Variants in SLC27A6 observed in about 807,000 individuals in gnomAD.
SLC27A6 encodes the protein long-chain fatty acid transport protein 6.
Under a neutral mutation model 63.9 loss-of-function variants are expected in SLC27A6, and 74 were observed. The ratio of observed to expected loss-of-function variants is 1.16; its 90% CI spans 0.96 to 1.40. The LOEUF (loss-of-function observed/expected upper bound fraction) is 1.40, where lower values mean the gene tolerates loss of function less well. Ranked by LOEUF, SLC27A6 falls within the 40% of genes most tolerant of loss-of-function variation. The probability of loss-of-function intolerance (pLI) is 0.00; values close to 1 mark genes in which losing one functional copy is unlikely to be tolerated. For missense variants in SLC27A6, 794 were observed against 732.9 expected, an observed-to-expected ratio of 1.08 and a Z score of -0.96; for synonymous variants, 287 against 260.8, an observed-to-expected ratio of 1.10 and a Z score of -0.97.
At chr5:128,998,364 T>C (rs984152528) in intron 4 of SLC27A6, among the ~76,000 whole-genome samples, 4 of 151,958 alleles carry the variant, frequency 2.6e-5, no homozygotes, top group South Asian at 4.1e-4. Flanking sequence ...AATGTATTTA[T>C]AAAATTAGAG....
At position 129,015,996 on chromosome 5, in the gene SLC27A6, T is replaced by C. The variant is rs1751878032; in HGVS notation, c.1081T>C (p.Tyr361His). The change falls in exon 5 of 10, where the codon TAT becomes CAT. Residue 361 changes from tyrosine (Y) to histidine (H), a missense_variant. Transcript: ENST00000262462. ...RFGNIKVCEL[Y>H]AATESSISFM... ...TGGAAATATAAAGGTGTGTGAACTTTATGCAGCTACCGAATCAAGCATATC... is the reference window on the plus strand; with the variant it reads ...TGGAAATATAAAGGTGTGTGAACTTCATGCAGCTACCGAATCAAGCATATC... 1.2e-6 allele frequency: 2 copies of C among 1,611,046 alleles called. No individual in the cohort carries two copies. Among genetic ancestry groups the C allele is most frequent in the Non-Finnish European group, 1.7e-6 (2 of 1,178,954 alleles).
intron 4 of SLC27A6, among the ~76,000 whole-genome samples, chr5:128,996,661 G>C (rs1036561012): frequency 6.6e-6 from 1 of 152,050 alleles, no homozygotes; most frequent in South Asian, 2.1e-4. Flanking sequence ...ATTTATGGCA[G>C]TGTGAGAGTG....
intron 1 of SLC27A6, among the ~76,000 whole-genome samples, chr5:128,966,982 A>G (rs1365350141): frequency 6.6e-6 from 1 of 152,180 alleles, no homozygotes; most frequent in African/African-American, 2.4e-5. Context: ...TGACACGTCT[A>G]CCTACCTCTA....
intron 4 of SLC27A6, among the ~76,000 whole-genome samples, chr5:129,003,768 A>C (rs1580728887): frequency 6.6e-6 from 1 of 152,066 alleles, no homozygotes; most frequent in Non-Finnish European, 1.5e-5. Flanking sequence ...CCAGGGGTTC[A>C]AGACCAGCCT....
At chr5:129,015,833 G>A (rs1751871939) in intron 4 of SLC27A6, 52 bp from the exon 5 acceptor site, 1 of 1,245,402 alleles carries the variant, frequency 8.0e-7, no homozygotes, top group Non-Finnish European at 1.1e-6. Flanking sequence ...TAATAATAAA[G>A]AAAGAATTAG....
intron 1 of SLC27A6, among the ~76,000 whole-genome samples, chr5:128,974,141 A>G (rs547148422): frequency 1.9e-4 from 29 of 152,326 alleles, no homozygotes; most frequent in African/African-American, 7.0e-4. Context: ...GCTACTTCTC[A>G]AGATAGAGCA....
chr5:129,014,603 A>G (rs556554444), intron 4 of SLC27A6, among the ~76,000 whole-genome samples: 1 of 152,290 alleles, frequency 6.6e-6, no homozygotes, highest in South Asian at 2.1e-4. Context: ...AAGTTCCTCA[A>G]CCCAAACTGG....
intron 1 of SLC27A6, among the ~76,000 whole-genome samples, chr5:128,970,213 G>A (rs1750086928): frequency 7.1e-6 from 1 of 141,712 alleles, no homozygotes; most frequent in Non-Finnish European, 1.6e-5. Context: ...AAGGATATTG[G>A]TCTAAAATTC....
At chr5:129,016,149 T>C in intron 5 of SLC27A6, 70 bp downstream of exon 5, 1 of 1,136,604 alleles carries the variant, frequency 8.8e-7, no homozygotes, top group Non-Finnish European at 1.2e-6. Context: ...TCCCAACACT[T>C]TGGGACGCCG....
At chr5:128,967,234 C>A (rs1352074999) in intron 1 of SLC27A6, among the ~76,000 whole-genome samples, 2 of 152,000 alleles carry the variant, frequency 1.3e-5, no homozygotes, top group Non-Finnish European at 2.9e-5. Context: ...TTCTACCCTT[C>A]CTCCTCCCCC....
At chr5:128,969,451 T>A (rs1298463728) in intron 1 of SLC27A6, among the ~76,000 whole-genome samples, 3 of 152,320 alleles carry the variant, frequency 2.0e-5, no homozygotes, top group South Asian at 2.1e-4. Context: ...TGAGCAGTGG[T>A]TTGTAGTTCT....
chr5:128,980,378 A>G (rs896787074), intron 1 of SLC27A6, among the ~76,000 whole-genome samples: 3 of 152,234 alleles, frequency 2.0e-5, no homozygotes, highest in Non-Finnish European at 4.4e-5. Flanking sequence ...TGACTTGTCC[A>G]AGGTCACACA....
chr5:129,031,768 T>C (rs572121271), intron 9 of SLC27A6, among the ~76,000 whole-genome samples: 1 of 152,044 alleles, frequency 6.6e-6, no homozygotes, highest in South Asian at 2.1e-4. Flanking sequence ...AAATATACTT[T>C]GTATAATATT....
At chr5:129,008,179 T>C (rs914942636) in intron 4 of SLC27A6, among the ~76,000 whole-genome samples, 3 of 152,164 alleles carry the variant, frequency 2.0e-5, no homozygotes, top group Admixed American at 6.5e-5. Context: ...AATAGATCAA[T>C]TGATGTTTCC....
rs1020612943 is a variant in SLC27A6, at chr5:129,033,427, A to C, written c.*145A>C. The C allele has an allele frequency of 1.4e-5, 6 of 437,036 alleles. No individual in the cohort carries two copies. The highest frequency in any genetic ancestry group is 1.3e-4 in the Admixed American group (3 of 23,078). The allele number at this position is 437,036 out of a possible 1,614,324, so 27.1% of individuals were successfully genotyped here. A position where few individuals can be genotyped will look rare whatever the true frequency, so the allele number is the denominator to read the frequency against. ...ATATGAGAGATAATTTTTTAATTGC[A>C]TAAGAATTTTAATTTCTTTTAATTG... On this transcript the variant is annotated 3_prime_UTR_variant, in exon 10 of 10. Transcript: ENST00000262462.
intron 3 of SLC27A6, among the ~76,000 whole-genome samples, chr5:128,988,978 G>A (rs759919452): frequency 6.6e-6 from 1 of 152,142 alleles, no homozygotes; most frequent in African/African-American, 2.4e-5. Flanking sequence ...TGGCCATGTG[G>A]TCGGAGCTGG....
chr5:128,973,936 A>G (rs1011803400), intron 1 of SLC27A6, among the ~76,000 whole-genome samples: 6 of 152,316 alleles, frequency 3.9e-5, no homozygotes, highest in Admixed American at 2.0e-4. Context: ...ACTTCTGAGC[A>G]CTCATTTTAA....
Position 129,033,292 on chromosome 5 carries a change from A to AGGCCGGGCGCGGTGGCTCACGCC in SLC27A6, c.*10_*11insGGCCGGGCGCGGTGGCTCACGCC. On this transcript the variant is annotated 3_prime_UTR_variant, in exon 10 of 10. Coordinates refer to ENST00000262462, the MANE Select transcript of SLC27A6 (RefSeq NM_001017372.3). Reference sequence around the variant, plus strand: ...GGAAATAAAACTTTAAGATTTTTATATCTAGAACTTTCATATGCTTTCTTA... The same window carrying AGGCCGGGCGCGGTGGCTCACGCC: ...GGAAATAAAACTTTAAGATTTTTATAGGCCGGGCGCGGTGGCTCACGCCTCTAGAACTTTCATATGCTTTCTTA... 6.7e-7 allele frequency: 1 copy of AGGCCGGGCGCGGTGGCTCACGCC among 1,501,282 alleles called. No homozygotes were observed. The highest frequency in any genetic ancestry group is 1.3e-5 in the South Asian group (1 of 79,228). The allele number at this position is 1,501,282 out of a possible 1,614,324, so 93.0% of individuals were successfully genotyped here.
At chr5:129,000,892 C>T (rs982251882) in intron 4 of SLC27A6, among the ~76,000 whole-genome samples, 4 of 152,300 alleles carry the variant, frequency 2.6e-5, no homozygotes, top group East Asian at 3.9e-4. Flanking sequence ...TGTTCTCCCA[C>T]GTGCTGCAGG....
Sources: gnomAD v4.1 joint callset for allele counts (sites outside exome capture counted in the v4.1 genomes callset) on GRCh38, gnomAD v4.1.1 for gene constraint, MANE v1.5 for transcripts, NCBI Gene and HGNC (gene_info 2026-07-23, HGNC 2026-07-21) for gene names.